The following ZNF592 variants were observed in gnomAD, a reference collection of about 807,000 sequenced individuals.
ZNF592 encodes the protein zinc finger protein 592, also known as spinocerebellar ataxia, autosomal recessive 5.
Under a neutral mutation model 80.3 loss-of-function variants are expected in ZNF592, and 11 were observed. That is an observed-to-expected ratio of 0.14 (90% CI 0.09 to 0.23). The LOEUF (loss-of-function observed/expected upper bound fraction) is 0.23. Ranked by LOEUF, ZNF592 falls within the 10% of genes least tolerant of loss-of-function variation. The pLI, the probability that ZNF592 is intolerant of heterozygous loss-of-function variation, is 1.00. For synonymous variants in ZNF592, 646 were observed against 640.3 expected (o/e 1.01, Z -0.13); for missense variants, 1,420 against 1,633.9 (o/e 0.87, Z 2.26).
chr15:84,758,441 C>G (rs1211110775), intron 1 of ZNF592, among the ~76,000 whole-genome samples: 1 of 151,958 alleles, frequency 6.6e-6, no homozygotes, highest in Non-Finnish European at 1.5e-5. Flanking sequence ...CACCACCACA[C>G]CAACTAATTT....
chr15:84,798,494 G>A lies in ZNF592; in HGVS notation c.2736+20G>A. On this transcript the variant is annotated intron_variant, in intron 7 of 10. Coordinates refer to ENST00000560079, the MANE Select transcript of ZNF592 (RefSeq NM_014630.3). The surrounding 1 kb of genome is among the most constrained non-coding windows in gnomAD (Gnocchi z 4.5). ...GTCAAGGTGGGATGCCTTGCGGGAG[G>A]AGGCCGGGGAGGAGGGCACATGCCT... 1 of 1,613,858 alleles carries A rather than the reference G, an allele frequency of 6.2e-7. No homozygotes were observed. Among genetic ancestry groups the A allele is most frequent in the Non-Finnish European group, 8.5e-7 (1 of 1,179,824 alleles).
In ZNF592 at chr15:84,788,643, A is replaced by G. The variant is rs142981147; in HGVS notation, c.2221-2062A>G. On this transcript the variant is annotated intron_variant, in intron 4 of 10. Coordinates refer to ENST00000560079, the MANE Select transcript of ZNF592 (RefSeq NM_014630.3). Reference sequence around the variant, plus strand: ...GTTCAGTAGTGTTAATGTTAAGTATATTCACACTGTTGTGAAACCAGTCTC... The same window carrying G: ...GTTCAGTAGTGTTAATGTTAAGTATGTTCACACTGTTGTGAAACCAGTCTC... Among the ~76,000 whole-genome samples, 469 of 152,344 alleles carry G rather than the reference A, an allele frequency of 3.1e-3. 5 individuals carry two copies. Among genetic ancestry groups the G allele is most frequent in the African/African-American group, 0.011 (442 of 41,578 alleles).
intron 1 of ZNF592, among the ~76,000 whole-genome samples, chr15:84,761,911 T>A (rs11633788): frequency 0.28 from 42,156 of 152,200 alleles, 6,351 homozygotes; most frequent in Middle Eastern, 0.42. Flanking sequence ...GGATTAATTG[T>A]CTAGAAATAC....
At chr15:84,790,290 T>C (rs894273945) in intron 4 of ZNF592, among the ~76,000 whole-genome samples, 12 of 151,984 alleles carry the variant, frequency 7.9e-5, no homozygotes, top group Admixed American at 3.3e-4. Context: ...CAGGCCAATG[T>C]TGGGGGTAGA....
chr15:84,784,597 G>A lies in ZNF592; in HGVS notation c.1922G>A (p.Ser641Asn), dbSNP rs1164769644. 3.1e-6 allele frequency: 5 copies of A among 1,614,192 alleles called. No homozygotes were observed. In the South Asian group the frequency reaches 5.5e-5, roughly 18 times the overall value. The change falls in exon 4 of 11, where the codon AGC (serine) becomes AAC (asparagine). Residue 641 changes from serine to asparagine, a missense_variant. Around this residue, in one of 7 missense-constraint regions of ZNF592, gnomAD observed 524 missense variants for 628.3 expected, o/e 0.83. Transcript: ENST00000560079. The surrounding 1 kb of genome is among the most constrained non-coding windows in gnomAD (Gnocchi z 5.8). ...CTCCGGCACGCCCGTGACCACAAGAGCAAGGGGCTCGTCATGCAGTGTTCC... is the reference window on the plus strand; with the variant it reads ...CTCCGGCACGCCCGTGACCACAAGAACAAGGGGCTCGTCATGCAGTGTTCC... ...SLLRHARDHK[S>N]KGLVMQCSQL...
At position 84,798,141 on chromosome 15, in the gene ZNF592, G is replaced by T; in HGVS notation, c.2576+96G>T. 1.3e-6 allele frequency: 2 copies of T among 1,574,960 alleles called. No homozygotes were observed. Among genetic ancestry groups the T allele is most frequent in the Non-Finnish European group, 1.7e-6 (2 of 1,158,198 alleles). On this transcript the variant is annotated intron_variant, in intron 6 of 10. Coordinates refer to ENST00000560079, the MANE Select transcript of ZNF592 (RefSeq NM_014630.3). The surrounding 1 kb of genome is among the most constrained non-coding windows in gnomAD (Gnocchi z 4.5). ...CATAGGGATGGGTGAGGGAGCTGGG[G>T]TTAGTGGCAGAGGTGCCTGGGGTCG... is the stretch of plus-strand genomic sequence containing the variant.
At chr15:84,792,496 G>A (rs1183180358) in intron 5 of ZNF592, among the ~76,000 whole-genome samples, 3 of 152,124 alleles carry the variant, frequency 2.0e-5, no homozygotes, top group Admixed American at 2.0e-4. Context: ...TGTCACCCAG[G>A]CTGGAGGGCA....
chr15:84,801,750 G>C, intron 10 of ZNF592, 113 bp from the exon 11 acceptor site: 1 of 1,500,254 alleles, frequency 6.7e-7, no homozygotes, highest in Non-Finnish European at 9.2e-7. Context: ...TTCAGGGCTG[G>C]GGTGACCCTG....
At position 84,798,469 on chromosome 15, in the gene ZNF592, G is replaced by A. The variant is rs1211858750; in HGVS notation, c.2731G>A (p.Val911Ile). The change falls in exon 7 of 11, where the codon GTC (valine) becomes ATC (isoleucine). Residue 911 changes from valine to isoleucine, a missense_variant. By Grantham distance (29) the Val-to-Ile change is conservative (BLOSUM62 3). This residue lies in a region of ZNF592 where 331 missense variants were observed against 347.0 expected (regional missense o/e 0.95). Coordinates refer to ENST00000560079, the MANE Select transcript of ZNF592 (RefSeq NM_014630.3). This position sits in a 1 kb window ranked among gnomAD's most constrained non-coding sequence, Gnocchi z 4.5. ...GCAGAAGCCGGAGTTGATGCAACAC[G>A]TCAAGGTGGGATGCCTTGCGGGAGG... ...FVQKPELMQH[V>I]KSTHGVPRNV... The A allele has an allele frequency of 6.8e-6, 11 of 1,613,826 alleles. No homozygotes were observed. Among genetic ancestry groups the A allele is most frequent in the Middle Eastern group, 1.6e-4 (1 of 6,084 alleles).
At position 84,804,866 on chromosome 15, in the gene ZNF592, T is replaced by TA. The variant is rs2141533324; in HGVS notation, c.*2473_*2474insA. On this transcript the variant is annotated 3_prime_UTR_variant, in exon 11 of 11. Coordinates refer to ENST00000560079, the MANE Select transcript of ZNF592 (RefSeq NM_014630.3). Reference sequence around the variant, plus strand: ...GAACACTTTCTGGTGATTCTCTCCTTTAATCCTCACAAAGATCTCACAGTT... The same window carrying TA: ...GAACACTTTCTGGTGATTCTCTCCTTATAATCCTCACAAAGATCTCACAGTT... 1 of 152,324 alleles carries TA rather than the reference T, an allele frequency of 6.6e-6. No homozygotes were observed. Among genetic ancestry groups the TA allele is most frequent in the South Asian group, 2.1e-4 (1 of 4,822 alleles). 9.4% of individuals were successfully genotyped at this position (152,324 alleles called of 1,614,324 possible). A position where few individuals can be genotyped will look rare whatever the true frequency, so the allele number is the denominator to read the frequency against.
In ZNF592 at chr15:84,801,962, C is replaced by G. The variant is rs1420325971; in HGVS notation, c.3373C>G (p.Gln1125Glu). The change falls in exon 11 of 11, where the codon CAG (glutamine) becomes GAG (glutamate). Residue 1125 changes from glutamine (Q) to glutamate (E), a missense_variant. This residue lies in a region of ZNF592 where 145 missense variants were observed against 211.9 expected (regional missense o/e 0.68). Transcript: ENST00000560079. ...CACCAAAAGGCACAAGTCCCTTTTT[C>G]AGTGCGCGAAATGTAGTTTTGCCAC... ...SSTKRHKSLF[Q>E]CAKCSFATDS... 1 of 1,613,996 alleles carries G rather than the reference C, an allele frequency of 6.2e-7. No homozygotes were observed. Among genetic ancestry groups the G allele is most frequent in the Non-Finnish European group, 8.5e-7 (1 of 1,179,876 alleles).
At position 84,799,754 on chromosome 15, in the gene ZNF592, A is replaced by G; in HGVS notation, c.3138-88A>G. The stretch of plus-strand genomic sequence containing the variant: ...TAGCCAGCCCAGGAGTCTGCTCCAG[A>G]CTCCCTCCTTCCTGGCCTTGGTGTG... On this transcript the variant is annotated intron_variant, in intron 9 of 10. Transcript: ENST00000560079. This position sits in a 1 kb window ranked among gnomAD's most constrained non-coding sequence, Gnocchi z 4.2. 2 of 1,593,890 alleles carry G rather than the reference A, an allele frequency of 1.3e-6. No individual in the cohort carries two copies. Among genetic ancestry groups the G allele is most frequent in the South Asian group, 2.2e-5 (2 of 90,414 alleles).
At chr15:84,749,000 G>A (rs1385444597) in intron 1 of ZNF592, among the ~76,000 whole-genome samples, 1 of 152,230 alleles carries the variant, frequency 6.6e-6, no homozygotes, top group African/African-American at 2.4e-5. Flanking sequence ...GATAGCCGGC[G>A]GCCCCCAGCC....
rs758291053 is a variant in ZNF592, at chr15:84,782,848, G to C, written c.173G>C (p.Gly58Ala). 5.0e-6 allele frequency: 8 copies of C among 1,614,064 alleles called. No homozygotes were observed. The highest frequency in any genetic ancestry group is 6.8e-6 in the Non-Finnish European group (8 of 1,180,028). The change falls in exon 4 of 11, where the codon GGA becomes GCA. Residue 58 changes from glycine (G) to alanine (A), a missense_variant. Gly to Ala is a moderately conservative substitution (Grantham distance 60). This residue lies in a region of ZNF592 where 373 missense variants were observed against 355.5 expected (regional missense o/e 1.05). Transcript: ENST00000560079. ...GAAAGTGTGTCCTTGTCTCACTCAG[G>C]ATCAGCCCCCGATGTGCCGGCCGTG... ...MDESVSLSHS[G>A]SAPDVPAVSV...
chr15:84,768,251 GA>G (rs1418728751), intron 2 of ZNF592, among the ~76,000 whole-genome samples: 1 of 35,392 alleles, frequency 2.8e-5, no homozygotes, highest in Non-Finnish European at 5.2e-5. Context: ...TTTTTTTTTT[GA>G]GACAGTTGTG....
At chr15:84,769,849 C>T (rs760210012) in intron 2 of ZNF592, among the ~76,000 whole-genome samples, 1 of 152,184 alleles carries the variant, frequency 6.6e-6, no homozygotes, top group Admixed American at 6.5e-5. Flanking sequence ...ATTCCTGGCT[C>T]ACTGCAGCCT....
intron 1 of ZNF592, among the ~76,000 whole-genome samples, chr15:84,749,631 G>A (rs966649476): frequency 2.0e-5 from 3 of 152,158 alleles, no homozygotes; most frequent in Non-Finnish European, 4.4e-5. Flanking sequence ...CTTATGGTTT[G>A]CCCACTTGAG....
chr15:84,796,264 A>T (rs867112698), intron 5 of ZNF592, among the ~76,000 whole-genome samples: 17 of 60,148 alleles, frequency 2.8e-4, no homozygotes, highest in East Asian at 5.0e-4. Context: ...ATATATATAT[A>T]TTTTATATAT....
rs903000069 is a variant in ZNF592, at chr15:84,805,456, T to G, written c.*3063T>G. 1.3e-5 allele frequency: 2 copies of G among 152,600 alleles called. No individual in the cohort carries two copies. The highest frequency in any genetic ancestry group is 2.9e-5 in the Non-Finnish European group (2 of 68,038). The allele number at this position is 152,600 out of a possible 1,614,324, so 9.5% of individuals were successfully genotyped here. A position where few individuals can be genotyped will look rare whatever the true frequency, so the allele number is the denominator to read the frequency against. On this transcript the variant is annotated 3_prime_UTR_variant, in exon 11 of 11. Coordinates refer to ENST00000560079, the MANE Select transcript of ZNF592 (RefSeq NM_014630.3). The stretch of plus-strand genomic sequence containing the variant: ...TACTGATCAAGTTAAACAGATAAGA[T>G]CCCTTCCCTTGTAGAAACTACAACT...
Sources: allele counts gnomAD v4.1 joint callset (sites outside exome capture counted in the v4.1 genomes callset), GRCh38; gene constraint gnomAD v4.1.1; regional missense constraint gnomAD v4.1.1; non-coding constraint Gnocchi (gnomAD v3.1); transcripts MANE v1.5; gene names NCBI Gene and HGNC (gene_info 2026-07-23, HGNC 2026-07-21).